The following PIWIL2 variants were observed in gnomAD, a reference collection of about 807,000 sequenced individuals.
The protein encoded by PIWIL2 is piwi-like protein 2.
Under a neutral mutation model 116.5 loss-of-function variants are expected in PIWIL2, and 81 were observed. The ratio of observed to expected loss-of-function variants is 0.70; its 90% CI spans 0.58 to 0.84. The LOEUF (loss-of-function observed/expected upper bound fraction) is 0.84, where lower values mean the gene tolerates loss of function less well. Ranked by LOEUF, PIWIL2 falls within the 40% of genes least tolerant of loss-of-function variation. PIWIL2 has a pLI of 0.00. For missense variants in PIWIL2, 1,272 were observed against 1,212.3 expected (o/e 1.05, Z -0.73); for synonymous variants, 489 against 429.5 (o/e 1.14, Z -1.71).
chr8:22,286,234 A>G (rs1298947948), intron 6 of PIWIL2, among the ~76,000 whole-genome samples: 1 of 152,264 alleles, frequency 6.6e-6, no homozygotes, highest in Non-Finnish European at 1.5e-5. Context: ...AGAGAAAAAA[A>G]AGGAAAGATG....
chr8:22,330,159 T>C (rs1831824295), intron 20 of PIWIL2, among the ~76,000 whole-genome samples: 1 of 152,166 alleles, frequency 6.6e-6, no homozygotes, highest in Non-Finnish European at 1.5e-5. Context: ...TTATACTGGA[T>C]ATAATCTCAA....
chr8:22,294,762 G>C (rs964924823), intron 10 of PIWIL2, among the ~76,000 whole-genome samples: 2 of 149,342 alleles, frequency 1.3e-5, no homozygotes, highest in Non-Finnish European at 3.0e-5. Flanking sequence ...CATATTTATT[G>C]AAATGTATTT....
intron 10 of PIWIL2, among the ~76,000 whole-genome samples, chr8:22,290,613 A>ATTTTTT (rs34573190): frequency 3.5e-5 from 4 of 114,104 alleles, no homozygotes; most frequent in Admixed American, 2.1e-4. Context: ...CCAATTTTTA[A>ATTTTTT]TTTTTTTTTT....
rs1207635789 is a variant in PIWIL2, at chr8:22,281,429, G to A, written c.339G>A (p.Arg113=). 2 of 1,605,562 alleles carry A rather than the reference G, an allele frequency of 1.2e-6. No homozygotes were observed. The highest frequency in any genetic ancestry group is 1.7e-6 in the Non-Finnish European group (2 of 1,178,234). Residue 113 remains arginine, a synonymous_variant, in exon 4 of 23, where the codon AGG becomes AGA. Coordinates refer to ENST00000356766, the MANE Select transcript of PIWIL2 (RefSeq NM_018068.5). The part of the protein sequence containing the change: ...GLSANLVRKD[R]EELSPTFWDP... ...CTGCTAATCTGGTACGCAAGGACAG[G>A]GAGGAACTCTCTCCCACTTTTTGGG...
At chr8:22,310,204 A>G (rs1160374329) in intron 15 of PIWIL2, 130 bp downstream of exon 15, 7 of 589,312 alleles carry the variant, frequency 1.2e-5, no homozygotes, top group South Asian at 2.3e-5. Flanking sequence ...TGAATTACCT[A>G]CTAACCAGGG....
rs142714694 is a variant in PIWIL2 at position 22,283,287 on chromosome 8, C to T, written c.632+47C>T. The T allele has an allele frequency of 6.1e-3, 9,004 of 1,475,338 alleles. 34 individuals are homozygous for T. Among genetic ancestry groups the T allele is most frequent in the Non-Finnish European group, 6.6e-3 (7,031 of 1,058,028 alleles). The allele number at this position is 1,475,338 out of a possible 1,614,324, so 91.4% of individuals were successfully genotyped here. ...CTCTACTTAGTAATGATCGTGAAAA[C>T]TCTGCATTTTGGCTCGTGTGTAGTA... On this transcript the variant is annotated intron_variant, in intron 5 of 22. Coordinates refer to ENST00000356766, the MANE Select transcript of PIWIL2 (RefSeq NM_018068.5).
chr8:22,350,279 G>A (rs893472486), intron 20 of PIWIL2, among the ~76,000 whole-genome samples: 5 of 151,246 alleles, frequency 3.3e-5, no homozygotes, highest in Non-Finnish European at 7.4e-5. Flanking sequence ...AGTAGATGCT[G>A]GAAAGCCAAA....
chr8:22,311,227 C>A lies in PIWIL2; in HGVS notation c.1916C>A (p.Pro639Gln), dbSNP rs1412702995. Residue 639 changes from proline (P) to glutamine (Q), a missense_variant, in exon 16 of 23, where the codon CCG becomes CAG. By Grantham distance (76) the Pro-to-Gln change is moderately conservative. Coordinates refer to ENST00000356766, the MANE Select transcript of PIWIL2 (RefSeq NM_018068.5). ...AGPIGMRMSP[P>Q]AWVELKDDRI... ...CCCATTGGCATGCGTATGAGCCCAC[C>A]GGCCTGGGTTGAACTAAAGGATGAC... 2 of 1,613,964 alleles carry A rather than the reference C, an allele frequency of 1.2e-6. No homozygotes were observed. The highest frequency in any genetic ancestry group is 1.7e-6 in the Non-Finnish European group (2 of 1,179,996).
intron 6 of PIWIL2, among the ~76,000 whole-genome samples, chr8:22,287,258 T>C (rs1830648923): frequency 6.6e-6 from 1 of 152,270 alleles, no homozygotes; most frequent in South Asian, 2.1e-4. Context: ...AAAACAAATG[T>C]GTATATATGA....
intron 20 of PIWIL2, among the ~76,000 whole-genome samples, chr8:22,346,407 C>T (rs1490732478): frequency 3.9e-5 from 6 of 152,186 alleles, no homozygotes; most frequent in Admixed American, 3.9e-4. Context: ...CCCTGGGCCC[C>T]ATCCTTCCTC....
chr8:22,354,505 GGT>G (rs1832447153), intron 22 of PIWIL2, 127 bp downstream of exon 22: 1 of 544,458 alleles, frequency 1.8e-6, no homozygotes, highest in Non-Finnish European at 3.3e-6. Flanking sequence ...TGACAATTAT[GGT>G]GTCTTTTTGA....
chr8:22,320,692 G>A (rs1476359266), intron 20 of PIWIL2, among the ~76,000 whole-genome samples: 3 of 152,020 alleles, frequency 2.0e-5, no homozygotes, highest in Admixed American at 1.3e-4. Context: ...CCGGGTTCAA[G>A]CAATTCTCCT....
chr8:22,336,751 T>A (rs1357476726), intron 20 of PIWIL2, among the ~76,000 whole-genome samples: 2 of 151,862 alleles, frequency 1.3e-5, no homozygotes, highest in Non-Finnish European at 2.9e-5. Flanking sequence ...AAAAATAATA[T>A]TAGTAGATAT....
chr8:22,351,459 AT>A (rs1390040794), intron 20 of PIWIL2, among the ~76,000 whole-genome samples: 3 of 84,464 alleles, frequency 3.6e-5, no homozygotes, highest in African/African-American at 1.8e-4. Context: ...ATATATATAT[AT>A]ATATATATAT....
intron 2 of PIWIL2, among the ~76,000 whole-genome samples, chr8:22,280,777 G>A (rs1830480741): frequency 6.6e-6 from 1 of 152,010 alleles, no homozygotes; most frequent in Non-Finnish European, 1.5e-5. Flanking sequence ...GAAAAGTTCT[G>A]TTGCATTTTG....
At chr8:22,350,748 C>T (rs866082280) in intron 20 of PIWIL2, among the ~76,000 whole-genome samples, 47 of 151,424 alleles carry the variant, frequency 3.1e-4, no homozygotes, top group African/African-American at 1.1e-3. Context: ...ATTCCTGTAA[C>T]CTCAGCACTT....
intron 10 of PIWIL2, among the ~76,000 whole-genome samples, chr8:22,301,157 T>A (rs9644047): frequency 0.59 from 87,794 of 149,986 alleles, 26,166 homozygotes; most frequent in East Asian, 0.8. Context: ...TTAAAAAAAA[T>A]TTTTTTTGTA....
In PIWIL2 at chr8:22,288,663, G is replaced by A. The variant is rs145560031; in HGVS notation, c.983G>A (p.Arg328His). ...ATTCCCTTCTACAATGTTGTTTTCC[G>A]TCGGTAAGAAAACAGCTGAAGTTCT... ...LCIPFYNVVF[R>H]RVMKLLDMKL... The change falls in exon 8 of 23, where the codon CGT (arginine) becomes CAT (histidine). Residue 328 changes from arginine to histidine, a missense_variant. Transcript: ENST00000356766. The A allele has an allele frequency of 6.8e-6, 11 of 1,606,930 alleles. No homozygotes were observed. The highest frequency in any genetic ancestry group is 1.7e-4 in the Middle Eastern group (1 of 6,052).
intron 20 of PIWIL2, among the ~76,000 whole-genome samples, chr8:22,318,803 T>G (rs2036684438): frequency 2.0e-5 from 3 of 152,208 alleles, no homozygotes; most frequent in Admixed American, 6.5e-5. Flanking sequence ...TCATTTGGTT[T>G]AGTAAGTAAT....
Sources: allele counts gnomAD v4.1 joint callset (sites outside exome capture counted in the v4.1 genomes callset), GRCh38; gene constraint gnomAD v4.1.1; transcripts MANE v1.5; gene names NCBI Gene and HGNC (gene_info 2026-07-23, HGNC 2026-07-21).